PKD1L1: variants seen among roughly 807,000 people sequenced by gnomAD.
The protein encoded by PKD1L1 is polycystin 1 like 1, transient receptor potential channel interacting.
In PKD1L1, 236 loss-of-function variants were observed where a neutral mutation model predicts 323.4. The ratio of observed to expected loss-of-function variants is 0.73; its 90% CI spans 0.66 to 0.81. The LOEUF (loss-of-function observed/expected upper bound fraction) is 0.81. PKD1L1 is among the 40% of genes least tolerant of loss of function. PKD1L1 has a pLI of 0.00. For synonymous variants in PKD1L1, 1,344 were observed against 1,335.0 expected (o/e 1.01, Z -0.15); for missense variants, 3,320 against 3,508.0 (o/e 0.95, Z 1.35).
chr7:47,871,943 A>G (rs1786290193), intron 24 of PKD1L1, among the ~76,000 whole-genome samples: 1 of 152,230 alleles, frequency 6.6e-6, no homozygotes, highest in African/African-American at 2.4e-5. Context: ...GGCAAGAAAT[A>G]GAAATGGAAG....
intron 44 of PKD1L1, 91 bp from the exon 45 acceptor site, chr7:47,827,559 T>C: frequency 9.6e-7 from 1 of 1,036,982 alleles, no homozygotes; most frequent in Non-Finnish European, 1.4e-6. Context: ...AATGTGTCAT[T>C]GCTGTGCTGT....
In PKD1L1 at chr7:47,834,213, G is replaced by A. The variant is rs16881624; in HGVS notation, c.6174+126C>T. On this transcript the variant is annotated intron_variant, in intron 40 of 56. Coordinates refer to ENST00000289672, the MANE Select transcript of PKD1L1 (RefSeq NM_138295.5). Reference sequence around the variant, plus strand: ...ACAGGTCTTGCATTGATCTTTTCCTGTGTCCGTCTCACCTTGAGCCTGACC... The same window carrying A: ...ACAGGTCTTGCATTGATCTTTTCCTATGTCCGTCTCACCTTGAGCCTGACC... The A allele has an allele frequency of 5.6e-3, 5,353 of 950,880 alleles. 181 individuals carry two copies. In the African/African-American group the frequency reaches 0.075, roughly 13 times the overall value. 58.9% of individuals were successfully genotyped at this position (950,880 alleles called of 1,614,324 possible). A position where few individuals can be genotyped will look rare whatever the true frequency, so the allele number is the denominator to read the frequency against.
chr7:47,888,417 T>C (rs930785455), intron 16 of PKD1L1, among the ~76,000 whole-genome samples: 6 of 152,168 alleles, frequency 3.9e-5, no homozygotes, highest in African/African-American at 1.2e-4. Flanking sequence ...CTGTGTAGCT[T>C]TTCCGAGTCA....
intron 46 of PKD1L1, among the ~76,000 whole-genome samples, chr7:47,816,828 G>A (rs1005072584): frequency 1.3e-5 from 2 of 152,244 alleles, no homozygotes; most frequent in African/African-American, 4.8e-5. Flanking sequence ...AACGAGGCTT[G>A]AGAGCAAAGT....
chr7:47,825,738 G>C (rs1785229960), intron 45 of PKD1L1, among the ~76,000 whole-genome samples: 7 of 151,980 alleles, frequency 4.6e-5, no homozygotes, highest in Admixed American at 4.6e-4. Context: ...TGAAATCTTA[G>C]AGAAACTTAT....
chr7:47,847,004 T>C lies in PKD1L1; in HGVS notation c.5028A>G (p.Leu1676=), dbSNP rs556378378. Reference sequence around the variant, plus strand: ...GTACTGTATAGTTCACTGCCTTAGCTAAATATCTGTTTGGAGGTTTTCTGT... The same window carrying C: ...GTACTGTATAGTTCACTGCCTTAGCCAAATATCTGTTTGGAGGTTTTCTGT... ...DYDRKPPNRY[L]AKAVNYTVHF... The change falls in exon 32 of 57, where the codon TTA becomes TTG. Residue 1676 remains leucine (L), a synonymous_variant. Coordinates refer to ENST00000289672, the MANE Select transcript of PKD1L1 (RefSeq NM_138295.5). 1 of 1,613,144 alleles carries C rather than the reference T, an allele frequency of 6.2e-7. No individual in the cohort carries two copies. The highest frequency in any genetic ancestry group is 2.2e-5 in the East Asian group (1 of 44,860).
rs1554417912 is a variant in PKD1L1, at chr7:47,946,506, C to CAT, written c.44+1890_44+1891insAT. Among the ~76,000 whole-genome samples, 18 of 149,476 alleles carry CAT rather than the reference C, an allele frequency of 1.2e-4. No individual in the cohort carries two copies. Among genetic ancestry groups the CAT allele is most frequent in the Admixed American group, 2.7e-4 (4 of 15,002 alleles). The stretch of plus-strand genomic sequence containing the variant: ...ACACACCACGCACCACACAAACACA[C>CAT]CATACACACAAACACCACACACACA... On this transcript the variant is annotated intron_variant, in intron 1 of 56. Transcript: ENST00000289672. The surrounding 1 kb of genome is among the most constrained non-coding windows in gnomAD (Gnocchi z 4.1).
chr7:47,930,530 A>G (rs1459104006), intron 6 of PKD1L1, among the ~76,000 whole-genome samples: 2 of 128,046 alleles, frequency 1.6e-5, no homozygotes, highest in African/African-American at 6.5e-5. Context: ...TAAAATACAC[A>G]CAGTCGGCCG....
chr7:47,793,965 C>T (rs1022502380), intron 55 of PKD1L1, among the ~76,000 whole-genome samples: 3 of 152,092 alleles, frequency 2.0e-5, no homozygotes, highest in Non-Finnish European at 4.4e-5. Flanking sequence ...GAACTTAGAA[C>T]TTGAGAGAGA....
At chr7:47,911,617 A>G (rs1787322850) in intron 8 of PKD1L1, among the ~76,000 whole-genome samples, 1 of 152,232 alleles carries the variant, frequency 6.6e-6, no homozygotes, top group Admixed American at 6.5e-5. Flanking sequence ...CAAAAAGGAA[A>G]ACAGTGAATA....
chr7:47,949,142 G>GGGC (rs1325357223), upstream of PKD1L1, among the ~76,000 whole-genome samples: 1 of 151,602 alleles, frequency 6.6e-6, no homozygotes, highest in Admixed American at 6.6e-5. Context: ...AGGTCGAGGT[G>GGGC]GGCGGATCAC....
At chr7:47,951,661 A>T (rs1284740542), upstream of PKD1L1, among the ~76,000 whole-genome samples, 1 of 152,248 alleles carries the variant, frequency 6.6e-6, no homozygotes, top group Non-Finnish European at 1.5e-5. Flanking sequence ...AAACTTCAGC[A>T]ATTGTTCTCA....
the PKD1L1 span, among the ~76,000 whole-genome samples, chr7:47,959,710 C>A: frequency 7.2e-6 from 1 of 139,306 alleles, no homozygotes; most frequent in Non-Finnish European, 1.6e-5. Context: ...GGGGTCAGCC[C>A]CCCGCCCAGC....
chr7:47,802,553 C>A (rs1345464581), intron 53 of PKD1L1, among the ~76,000 whole-genome samples: 1 of 152,200 alleles, frequency 6.6e-6, no homozygotes, highest in Non-Finnish European at 1.5e-5. Context: ...ATCCTGACAG[C>A]CAGAGCCTCC....
At chr7:47,838,054 T>C (rs569002705) in intron 36 of PKD1L1, among the ~76,000 whole-genome samples, 55 of 152,340 alleles carry the variant, frequency 3.6e-4, no homozygotes, top group African/African-American at 1.3e-3. Flanking sequence ...TGTCTCCCGT[T>C]GTTAACTATG....
chr7:47,857,939 G>A (rs983608582), intron 27 of PKD1L1, 107 bp from the exon 28 acceptor site: 1 of 1,069,712 alleles, frequency 9.3e-7, no homozygotes, highest in Non-Finnish European at 1.3e-6. Flanking sequence ...CCCATCTCAA[G>A]TTAGATTGGA....
chr7:47,878,273 G>C (rs1039651347), intron 21 of PKD1L1, among the ~76,000 whole-genome samples: 1 of 152,010 alleles, frequency 6.6e-6, no homozygotes, highest in Non-Finnish European at 1.5e-5. Context: ...ACCCTAATAC[G>C]CACAATTATT....
intron 44 of PKD1L1, among the ~76,000 whole-genome samples, chr7:47,828,197 G>A (rs939983421): frequency 6.6e-6 from 1 of 152,110 alleles, no homozygotes; most frequent in African/African-American, 2.4e-5. Context: ...TGGGTGTAGG[G>A]GGGCACCCCA....
intron 7 of PKD1L1, among the ~76,000 whole-genome samples, chr7:47,922,752 T>TG (rs1043964266): frequency 2.7e-5 from 4 of 146,976 alleles, no homozygotes; most frequent in African/African-American, 1.0e-4. Context: ...GTTGGGGAGG[T>TG]GGGGGGCAGC....
Sources: allele counts gnomAD v4.1 joint callset (sites outside exome capture counted in the v4.1 genomes callset), GRCh38; gene constraint gnomAD v4.1.1; non-coding constraint Gnocchi (gnomAD v3.1); transcripts MANE v1.5; gene names NCBI Gene and HGNC (gene_info 2026-07-23, HGNC 2026-07-21).